The following TUSC3 variants were observed in gnomAD, a reference collection of about 807,000 sequenced individuals.
The protein encoded by TUSC3 is dolichyl-diphosphooligosaccharide--protein glycosyltransferase subunit TUSC3.
A neutral mutation model predicts 44.8 loss-of-function variants in TUSC3; 45 were observed. That is an observed-to-expected ratio of 1.00 (90% CI 0.79 to 1.29). The LOEUF is 1.29. Ranked by LOEUF, TUSC3 falls within the 50% of genes most tolerant of loss-of-function variation. The probability of loss-of-function intolerance (pLI) is 0.00; values close to 1 mark genes in which losing one functional copy is unlikely to be tolerated. For missense variants in TUSC3, 519 were observed against 437.9 expected, an observed-to-expected ratio of 1.19 and a Z score of -1.65; for synonymous variants, 212 against 152.9, an observed-to-expected ratio of 1.39 and a Z score of -2.85.
chr8:15,776,379 C>T, the TUSC3 span, among the ~76,000 whole-genome samples: 2 of 152,006 alleles, frequency 1.3e-5, no homozygotes, highest in Non-Finnish European at 2.9e-5. Flanking sequence ...TCTTACCATT[C>T]ATCTTGGGAG....
intron 1 of TUSC3, among the ~76,000 whole-genome samples, chr8:15,421,744 A>G (rs1226749902): frequency 6.6e-6 from 1 of 152,168 alleles, no homozygotes; most frequent in Non-Finnish European, 1.5e-5. Context: ...AAGAGAAAGA[A>G]AATGAGGTCT....
the TUSC3 span, among the ~76,000 whole-genome samples, chr8:15,804,922 G>C: frequency 6.6e-6 from 1 of 152,168 alleles, no homozygotes; most frequent in African/African-American, 2.4e-5. Context: ...GCTTTGGGCA[G>C]TATGGCCATT....
chr8:15,692,361 C>T (rs1406706895), intron 6 of TUSC3, among the ~76,000 whole-genome samples: 590 of 21,154 alleles, frequency 0.028, 21 homozygotes, highest in African/African-American at 0.14. Flanking sequence ...GAGGAGACCC[C>T]CCCCCCCCCC....
chr8:15,436,618 G>T (rs1042345000), intron 1 of TUSC3, among the ~76,000 whole-genome samples: 1 of 152,140 alleles, frequency 6.6e-6, no homozygotes, highest in Non-Finnish European at 1.5e-5. Context: ...CATGGGTTCA[G>T]ATTGTGATTG....
intron 3 of TUSC3, among the ~76,000 whole-genome samples, chr8:15,654,177 A>G (rs1463634399): frequency 6.6e-6 from 1 of 152,188 alleles, no homozygotes; most frequent in East Asian, 1.9e-4. Flanking sequence ...ATTTTCCTAT[A>G]GTTTTCATGT....
At chr8:15,770,178 T>A (rs1366462112), downstream of TUSC3, among the ~76,000 whole-genome samples, 1 of 152,126 alleles carries the variant, frequency 6.6e-6, no homozygotes. Flanking sequence ...CCATCAATGA[T>A]AGACTGGATA....
chr8:15,494,507 C>T (rs903401763), intron 2 of TUSC3, among the ~76,000 whole-genome samples: 2 of 151,922 alleles, frequency 1.3e-5, no homozygotes, highest in Admixed American at 6.6e-5. Context: ...TTATTAGAGA[C>T]GGGGTTTCAC....
intron 1 of TUSC3, among the ~76,000 whole-genome samples, chr8:15,589,365 A>G (rs1364163878): frequency 6.6e-6 from 1 of 152,160 alleles, no homozygotes; most frequent in East Asian, 1.9e-4. Context: ...TACGCATGTT[A>G]AAGTTGGAGA....
chr8:15,722,532 T>C (rs1585267684), intron 6 of TUSC3, among the ~76,000 whole-genome samples: 2 of 152,120 alleles, frequency 1.3e-5, no homozygotes, highest in Non-Finnish European at 2.9e-5. Context: ...ATGCCTCTTA[T>C]AGTATTCTAG....
chr8:15,454,773 C>A (rs1800235396), intron 1 of TUSC3, among the ~76,000 whole-genome samples: 1 of 152,216 alleles, frequency 6.6e-6, no homozygotes, highest in African/African-American at 2.4e-5. Context: ...AGTGTGGAAG[C>A]TTATATAGTA....
At chr8:15,803,697 T>C in the TUSC3 span, among the ~76,000 whole-genome samples, 3 of 152,186 alleles carry the variant, frequency 2.0e-5, no homozygotes, top group African/African-American at 7.2e-5. Flanking sequence ...TTTGTTCTAA[T>C]GCTCTCCTCC....
At chr8:15,619,547 A>G (rs1805148917) in intron 1 of TUSC3, among the ~76,000 whole-genome samples, 1 of 151,754 alleles carries the variant, frequency 6.6e-6, no homozygotes, top group Non-Finnish European at 1.5e-5. Context: ...GCTGGAGTGC[A>G]GTGGCACGAT....
chr8:15,438,818 C>G (rs1379651484), intron 1 of TUSC3, among the ~76,000 whole-genome samples: 2 of 152,132 alleles, frequency 1.3e-5, no homozygotes, highest in Admixed American at 6.5e-5. Context: ...CAGATATTAT[C>G]CCCATCTCAA....
At chr8:15,545,560 G>A (rs969045055) in intron 1 of TUSC3, among the ~76,000 whole-genome samples, 12 of 151,756 alleles carry the variant, frequency 7.9e-5, no homozygotes, top group African/African-American at 2.7e-4. Context: ...GCATTAGCAA[G>A]TTGTGTTAGA....
At chr8:15,460,324 A>G (rs567066138) in intron 1 of TUSC3, among the ~76,000 whole-genome samples, 254 of 152,152 alleles carry the variant, frequency 1.7e-3, no homozygotes, top group African/African-American at 5.9e-3. Flanking sequence ...TTTGTTGGCC[A>G]TTTGTAAATC....
At chr8:15,692,742 CTTATT>C (rs1808974549) in intron 6 of TUSC3, among the ~76,000 whole-genome samples, 1 of 150,968 alleles carries the variant, frequency 6.6e-6, no homozygotes, top group African/African-American at 2.4e-5. Flanking sequence ...GATATTGTCT[CTTATT>C]TTAGTAGTCT....
intron 1 of TUSC3, among the ~76,000 whole-genome samples, chr8:15,599,100 C>G (rs1451915096): frequency 6.6e-6 from 1 of 151,892 alleles, no homozygotes; most frequent in Non-Finnish European, 1.5e-5. Context: ...TCCTCTCTAG[C>G]AGTTGATGTT....
chr8:15,790,775 G>A, the TUSC3 span, among the ~76,000 whole-genome samples: 1 of 152,132 alleles, frequency 6.6e-6, no homozygotes, highest in Non-Finnish European at 1.5e-5. Context: ...GAATCAAGGT[G>A]TATTTGAGGA....
chr8:15,449,880 A>G (rs114273565), intron 1 of TUSC3, among the ~76,000 whole-genome samples: 1,654 of 152,150 alleles, frequency 0.011, 25 homozygotes, highest in African/African-American at 0.038. Context: ...GTCTAGATAC[A>G]TAAATATCTA....
Sources: gnomAD v4.1 joint callset for allele counts (sites outside exome capture counted in the v4.1 genomes callset) on GRCh38, gnomAD v4.1.1 for gene constraint, MANE v1.5 for transcripts, NCBI Gene and HGNC (gene_info 2026-07-23, HGNC 2026-07-21) for gene names.